Variants in SASH1 observed in about 807,000 individuals in gnomAD.
SASH1 encodes SAM and SH3 domain containing 1, also known as SAM and SH3 domain-containing protein 1.
A neutral mutation model predicts 125.2 loss-of-function variants in SASH1; 44 were observed. The observed-to-expected ratio is 0.35, with a 90% CI of 0.28 to 0.45. The LOEUF is 0.45. Ranked by LOEUF, SASH1 falls within the 20% of genes least tolerant of loss-of-function variation. The probability of loss-of-function intolerance (pLI) is 1.00; values close to 1 mark genes in which losing one functional copy is unlikely to be tolerated. For missense variants in SASH1, 1,426 were observed against 1,614.5 expected (o/e 0.88, Z 2.00); for synonymous variants, 639 against 649.1 (o/e 0.98, Z 0.24).
chr6:148,211,525 T>A, the SASH1 span, among the ~76,000 whole-genome samples: 871 of 151,732 alleles, frequency 5.7e-3, 9 homozygotes, highest in African/African-American at 0.02. Context: ...GAGCCAAGAT[T>A]GTGCCACTGC....
upstream of SASH1, among the ~76,000 whole-genome samples, chr6:148,339,024 AG>A (rs750244984): frequency 4.5e-4 from 64 of 140,950 alleles, 1 homozygote; most frequent in African/African-American, 1.5e-3. Flanking sequence ...AAAAAAAAAA[AG>A]AGAGAGAGAG....
At chr6:148,229,088 C>T in the SASH1 span, among the ~76,000 whole-genome samples, 2 of 136,032 alleles carry the variant, frequency 1.5e-5, no homozygotes, top group African/African-American at 2.9e-5. Context: ...GAGCCAAGAT[C>T]GCACTACTGC....
chr6:148,534,946 C>T lies in SASH1; in HGVS notation c.2095+45C>T, dbSNP rs1781752507. On this transcript the variant is annotated intron_variant, in intron 16 of 19. Coordinates refer to ENST00000367467, the MANE Select transcript of SASH1 (RefSeq NM_015278.5). Reference sequence around the variant, plus strand: ...GAGGTGTTCCCTGTGAGGTCTGCCACAGCAGGCCCCACGTATGCTGCCAGT... The same window carrying T: ...GAGGTGTTCCCTGTGAGGTCTGCCATAGCAGGCCCCACGTATGCTGCCAGT... The T allele has an allele frequency of 8.1e-6, 13 of 1,598,108 alleles. No individual in the cohort carries two copies. The East Asian group carries it at 8.9e-5, about 11-fold the overall frequency.
chr6:148,219,101 G>A, the SASH1 span, among the ~76,000 whole-genome samples: 16 of 152,114 alleles, frequency 1.1e-4, no homozygotes, highest in African/African-American at 3.9e-4. Flanking sequence ...ACATGCCCAC[G>A]CAGCATCCTC....
the SASH1 span, among the ~76,000 whole-genome samples, chr6:148,195,702 G>C: frequency 6.6e-6 from 1 of 152,182 alleles, no homozygotes; most frequent in Non-Finnish European, 1.5e-5. Flanking sequence ...TCGGGGAGCT[G>C]GTGGCAACTC....
intron 1 of SASH1, among the ~76,000 whole-genome samples, chr6:148,387,901 G>A (rs918247643): frequency 1.7e-5 from 2 of 115,720 alleles, no homozygotes; most frequent in African/African-American, 6.7e-5. Flanking sequence ...AATGCGCCCT[G>A]CTAATTTTTT....
At chr6:148,246,036 T>C in the SASH1 span, among the ~76,000 whole-genome samples, 1 of 151,880 alleles carries the variant, frequency 6.6e-6, no homozygotes, top group African/African-American at 2.4e-5. Flanking sequence ...GGGAAACATC[T>C]GCTTATCCCT....
At chr6:148,335,240 G>C (rs1001471126) in intron 1 of SASH1, among the ~76,000 whole-genome samples, 1 of 151,512 alleles carries the variant, frequency 6.6e-6, no homozygotes, top group Non-Finnish European at 1.5e-5. Context: ...AGAGGTTGCA[G>C]TGAGCTGAGA....
At chr6:148,469,662 G>A (rs2115116367) in intron 5 of SASH1, among the ~76,000 whole-genome samples, 1 of 152,282 alleles carries the variant, frequency 6.6e-6, no homozygotes, top group Non-Finnish European at 1.5e-5. Context: ...GAGCCCAAGA[G>A]TTTGAGGCTA....
At chr6:148,259,408 A>AT in the SASH1 span, among the ~76,000 whole-genome samples, 1 of 152,042 alleles carries the variant, frequency 6.6e-6, no homozygotes, top group African/African-American at 2.4e-5. Flanking sequence ...GCACTCTTGA[A>AT]TTTTTTCAAA....
chr6:148,468,027 G>A (rs1303752372), intron 4 of SASH1, among the ~76,000 whole-genome samples: 1 of 152,206 alleles, frequency 6.6e-6, no homozygotes, highest in African/African-American at 2.4e-5. Context: ...CAACCAACTG[G>A]AGGAACTGTG....
chr6:148,311,043 A>T (rs1406652049), intron 1 of SASH1, among the ~76,000 whole-genome samples: 2 of 151,632 alleles, frequency 1.3e-5, no homozygotes, highest in Non-Finnish European at 2.9e-5. Flanking sequence ...CCTCCTGAAT[A>T]GCTGGGATTA....
At chr6:148,515,601 A>T (rs976895564) in intron 9 of SASH1, among the ~76,000 whole-genome samples, 1 of 152,162 alleles carries the variant, frequency 6.6e-6, no homozygotes, top group African/African-American at 2.4e-5. Flanking sequence ...GGTTGTTTTC[A>T]GTTCCGGGGT....
At chr6:148,406,397 TC>T (rs1784375548) in intron 2 of SASH1, among the ~76,000 whole-genome samples, 1 of 152,218 alleles carries the variant, frequency 6.6e-6, no homozygotes, top group Non-Finnish European at 1.5e-5. Context: ...GTTATTTTAA[TC>T]TGTTGCATTA....
the SASH1 span, among the ~76,000 whole-genome samples, chr6:148,225,752 G>A: frequency 6.6e-6 from 1 of 152,180 alleles, no homozygotes; most frequent in Non-Finnish European, 1.5e-5. Flanking sequence ...AATAAAGGTT[G>A]AATTGCTAGA....
chr6:148,362,806 C>T (rs1340807250), intron 1 of SASH1, among the ~76,000 whole-genome samples: 1 of 152,062 alleles, frequency 6.6e-6, no homozygotes, highest in Non-Finnish European at 1.5e-5. Flanking sequence ...CATGATTGTG[C>T]CACTGCACTC....
chr6:148,372,205 G>A (rs1027649456), intron 1 of SASH1, among the ~76,000 whole-genome samples: 2 of 152,136 alleles, frequency 1.3e-5, no homozygotes, highest in African/African-American at 4.8e-5. Context: ...TTACACTAGA[G>A]CTAGTTCTTT....
At chr6:148,311,176 G>A (rs774184404) in intron 1 of SASH1, among the ~76,000 whole-genome samples, 1 of 150,944 alleles carries the variant, frequency 6.6e-6, no homozygotes, top group African/African-American at 2.4e-5. Context: ...GCATGGTCTC[G>A]GCTCACTGCA....
chr6:148,515,364 G>T (rs546223031), intron 9 of SASH1, among the ~76,000 whole-genome samples: 1 of 152,086 alleles, frequency 6.6e-6, no homozygotes, highest in African/African-American at 2.4e-5. Context: ...AGGCATTTTT[G>T]TTATATAGAA....
Sources: allele counts gnomAD v4.1 joint callset (sites outside exome capture counted in the v4.1 genomes callset), GRCh38; gene constraint gnomAD v4.1.1; transcripts MANE v1.5; gene names NCBI Gene and HGNC (gene_info 2026-07-23, HGNC 2026-07-21).